The following PADI6 variants were observed in gnomAD, a reference collection of about 807,000 sequenced individuals.
PADI6 encodes the protein peptidyl arginine deiminase 6.
In PADI6, 66 loss-of-function variants were observed where a neutral mutation model predicts 78.2. The observed-to-expected ratio is 0.84, with a 90% CI of 0.69 to 1.04. The LOEUF (loss-of-function observed/expected upper bound fraction) is 1.04. Ranked by LOEUF, PADI6 falls within the 50% of genes least tolerant of loss-of-function variation. The pLI, the probability that PADI6 is intolerant of heterozygous loss-of-function variation, is 0.00. For missense variants in PADI6, 854 were observed against 866.1 expected (o/e 0.99, Z 0.18); for synonymous variants, 397 against 346.9 (o/e 1.14, Z -1.60).
intron 14 of PADI6, 29 bp from the exon 15 acceptor site, chr1:17,398,657 C>A (rs769704742): frequency 2.7e-5 from 3 of 110,638 alleles, no homozygotes; most frequent in East Asian, 3.2e-4. Flanking sequence ...CTCCCCCGCC[C>A]CCCCCCCCAC....
At chr1:17,393,833 A>G in intron 9 of PADI6, 142 bp from the exon 10 acceptor site, 1 of 698,656 alleles carries the variant, frequency 1.4e-6, no homozygotes. Flanking sequence ...AGAGCCTTCA[A>G]GAAGGGGTGA....
chr1:17,381,058 CTGGGGTCCCAGCGGT>C lies in PADI6; in HGVS notation c.454_468del (p.Pro152_Gly156del), dbSNP rs751837478. On this transcript the variant is annotated inframe_deletion, in exon 5 of 16. Transcript: ENST00000619609. The stretch of plus-strand genomic sequence containing the variant: ...CATCTCATTTGCAGAAAAAATGGAT[CTGGGGTCCCAGCGGT>C]TGGGGTGCCATCCTGCTTGTGAATT... 6.2e-6 allele frequency: 10 copies of C among 1,600,312 alleles called. No individual in the cohort carries two copies. Among genetic ancestry groups the C allele is most frequent in the Non-Finnish European group, 8.5e-6 (10 of 1,173,706 alleles).
intron 5 of PADI6, among the ~76,000 whole-genome samples, chr1:17,381,569 T>C (rs1454443769): frequency 2.0e-5 from 3 of 152,218 alleles, no homozygotes; most frequent in African/African-American, 7.2e-5. Flanking sequence ...TTGGACTGTC[T>C]TGGGTAAAAT....
Position 17,401,396 on chromosome 1 carries a change from C to T in PADI6, c.2043C>T (p.Arg681=). ...ACATCTGTGCCTGTGCCAACATCCG[C>T]CGGGTGCCCTTTGCCTTCAAATGGT... ...VGDICACANI[R]RVPFAFKWWK... is the part of the protein sequence containing the mutation. The change falls in exon 16 of 16, where the codon CGC becomes CGT. Residue 681 remains arginine (R), a synonymous_variant. Transcript: ENST00000619609. The T allele has an allele frequency of 6.2e-7, 1 of 1,614,078 alleles. No homozygotes were observed. The highest frequency in any genetic ancestry group is 8.5e-7 in the Non-Finnish European group (1 of 1,179,910).
intron 15 of PADI6, 67 bp from the exon 16 acceptor site, chr1:17,401,138 A>G (rs1265445457): frequency 2.7e-6 from 4 of 1,459,466 alleles, no homozygotes; most frequent in Non-Finnish European, 2.8e-6. Flanking sequence ...GCAGAGAGGC[A>G]GGTGGGCGGC....
At chr1:17,393,314 G>A (rs1449077172) in intron 9 of PADI6, among the ~76,000 whole-genome samples, 1 of 152,142 alleles carries the variant, frequency 6.6e-6, no homozygotes, top group African/African-American at 2.4e-5. Flanking sequence ...AAAGGTTATA[G>A]TTCAGGTTTT....
chr1:17,372,421 C>G, intron 1 of PADI6, 60 bp downstream of exon 1: 1 of 1,485,588 alleles, frequency 6.7e-7, no homozygotes, highest in Non-Finnish European at 9.4e-7. Flanking sequence ...GCCTGGGACC[C>G]AGTCCCCTTG....
intron 6 of PADI6, among the ~76,000 whole-genome samples, chr1:17,382,377 G>A (rs546222938): frequency 6.6e-6 from 1 of 152,324 alleles, no homozygotes; most frequent in Admixed American, 6.5e-5. Context: ...AGAGAAGAGA[G>A]ACATATCCAC....
At chr1:17,388,242 G>A (rs956803173) in intron 6 of PADI6, 139 bp from the exon 7 acceptor site, 2 of 744,960 alleles carry the variant, frequency 2.7e-6, no homozygotes, top group Non-Finnish European at 2.1e-6. Context: ...AACGGGGATG[G>A]CTGAGCCATT....
Position 17,397,090 on chromosome 1 carries a change from C to T in PADI6, c.1638C>T (p.Ile546=), listed in dbSNP as rs142642869. The T allele has an allele frequency of 2.1e-3, 3,343 of 1,613,850 alleles. 2 individuals carry two copies. Among genetic ancestry groups the T allele is most frequent in the Admixed American group, 3.0e-3 (182 of 60,026 alleles). Residue 546 remains isoleucine (I), a synonymous_variant, in exon 14 of 16, where the codon ATC becomes ATT. Transcript: ENST00000619609. The part of the protein sequence containing the change: ...LLSNGREAKT[I]DQLLADESLK... Reference sequence around the variant, plus strand: ...CTACAGGAAGGGAAGCCAAAACCATCGACCAACTTCTGGCTGATGAAAGCC... The same window carrying T: ...CTACAGGAAGGGAAGCCAAAACCATTGACCAACTTCTGGCTGATGAAAGCC...
rs753152909 is a variant in PADI6, at chr1:17,372,225, G to C, written c.-21G>C. ...GTCTGAGGCTGCTGTGCTGAGTGAG[G>C]GCTGCGGTGCAGGCCTGAGGATGGT... On this transcript the variant is annotated 5_prime_UTR_variant, in exon 1 of 16. Coordinates refer to ENST00000619609, the MANE Select transcript of PADI6 (RefSeq NM_207421.4). The C allele has an allele frequency of 1.9e-6, 3 of 1,607,842 alleles. No homozygotes were observed. In the African/African-American group the frequency reaches 4.0e-5, roughly 21 times the overall value.
chr1:17,378,965 G>GA (rs57207829), intron 3 of PADI6, among the ~76,000 whole-genome samples: 6 of 148,490 alleles, frequency 4.0e-5, no homozygotes, highest in African/African-American at 1.3e-4. Context: ...TGGGGGGGGG[G>GA]ACAGAATCTT....
At position 17,398,721 on chromosome 1, in the gene PADI6, G is replaced by T; in HGVS notation, c.1725G>T (p.Thr575=). The T allele has an allele frequency of 1.3e-6, 2 of 1,560,042 alleles. No individual in the cohort carries two copies. Among genetic ancestry groups the T allele is most frequent in the Non-Finnish European group, 1.7e-6 (2 of 1,155,344 alleles). Residue 575 remains threonine, a synonymous_variant, in exon 15 of 16, where the codon ACG becomes ACT. Transcript: ENST00000619609. ...CIHLNRDILK[T]ELGLVEQDII... ...ACCTGAACCGTGACATCCTGAAGAC[G>T]GAGCTGGGCCTGGTGGAACAGGACA...
intron 14 of PADI6, 101 bp downstream of exon 14, chr1:17,397,242 C>G (rs1444986307): frequency 7.6e-7 from 1 of 1,313,514 alleles, no homozygotes; most frequent in Non-Finnish European, 1.1e-6. Context: ...AAGTGTTGGG[C>G]GGCGGGGGGC....
chr1:17,401,254 G>T lies in PADI6; in HGVS notation c.1901G>T (p.Gly634Val). The change falls in exon 16 of 16, where the codon GGG (glycine) becomes GTG (valine). Residue 634 changes from glycine (G) to valine (V), a missense_variant. Transcript: ENST00000619609. ...GKNLGIPKPF[G>V]PQIKGTCCLE... ...AACCTGGGGATCCCCAAGCCTTTTG[G>T]GCCCCAAATCAAGGGGACCTGCTGC... 3.7e-6 allele frequency: 6 copies of T among 1,614,042 alleles called. No homozygotes were observed. Among genetic ancestry groups the T allele is most frequent in the Non-Finnish European group, 3.4e-6 (4 of 1,179,896 alleles).
chr1:17,374,407 C>T (rs2074995321), intron 2 of PADI6, among the ~76,000 whole-genome samples: 1 of 152,042 alleles, frequency 6.6e-6, no homozygotes, highest in Non-Finnish European at 1.5e-5. Flanking sequence ...GGGCAGATCA[C>T]CTGAGGTCGG....
At position 17,388,652 on chromosome 1, in the gene PADI6, G is replaced by A. The variant is rs562542324; in HGVS notation, c.858+93G>A. ...GTTGGGCAGAGCTTGAGGTTTGCTG[G>A]GGGAGAGCTGCAGAAGGCAAGTGGG... On this transcript the variant is annotated intron_variant, in intron 7 of 15. Coordinates refer to ENST00000619609, the MANE Select transcript of PADI6 (RefSeq NM_207421.4). 23 of 1,462,028 alleles carry A rather than the reference G, an allele frequency of 1.6e-5. No individual in the cohort carries two copies. The East Asian group carries it at 5.5e-4, about 35-fold the overall frequency. The allele number at this position is 1,462,028 out of a possible 1,614,324, so 90.6% of individuals were successfully genotyped here. A position where few individuals can be genotyped will look rare whatever the true frequency, so the allele number is the denominator to read the frequency against.
intron 15 of PADI6, among the ~76,000 whole-genome samples, chr1:17,400,040 C>CAAAA (rs963861915): frequency 7.0e-6 from 1 of 143,646 alleles, no homozygotes; most frequent in African/African-American, 2.9e-5. Flanking sequence ...CCCAAAAAAA[C>CAAAA]AAACAAAACA....
In PADI6 at chr1:17,392,344, C is replaced by T. The variant is rs576071991; in HGVS notation, c.1074+119C>T. 4.7e-4 allele frequency: 336 copies of T among 712,058 alleles called. 2 individuals are homozygous for T. The South Asian group carries it at 5.8e-3, about 12-fold the overall frequency. The allele number at this position is 712,058 out of a possible 1,614,324, so 44.1% of individuals were successfully genotyped here. On this transcript the variant is annotated intron_variant, in intron 9 of 15. Coordinates refer to ENST00000619609, the MANE Select transcript of PADI6 (RefSeq NM_207421.4). ...TTAAAGACCGAAGCCTTGATAGGGG[C>T]GGCCCTGTTCTTAGGACTTCAGTGG...
Sources: gnomAD v4.1 joint callset for allele counts (sites outside exome capture counted in the v4.1 genomes callset) on GRCh38, gnomAD v4.1.1 for gene constraint, MANE v1.5 for transcripts, NCBI Gene and HGNC (gene_info 2026-07-23, HGNC 2026-07-21) for gene names.